LRMDA: variants seen among roughly 807,000 people sequenced by gnomAD.
The protein encoded by LRMDA is leucine rich melanocyte differentiation associated.
In LRMDA, 18 loss-of-function variants were observed where a neutral mutation model predicts 29.8. The observed-to-expected ratio is 0.60, with a 90% confidence interval of 0.42 to 0.90. The LOEUF is 0.90. Among genes scored for constraint, LRMDA ranks in the 40% least tolerant of loss-of-function variants. LRMDA has a pLI of 0.00. For missense variants in LRMDA, 273 were observed against 273.9 expected (o/e 1.00, Z 0.02); for synonymous variants, 125 against 109.4 (o/e 1.14, Z -0.89).
rs527515076 is a variant in LRMDA, at chr10:76,245,100, T to C, written c.517-79301T>C. Among the ~76,000 whole-genome samples, 3 of 152,284 alleles carry C rather than the reference T, an allele frequency of 2.0e-5. No homozygotes were observed. In the East Asian group the frequency reaches 5.8e-4, roughly 29 times the overall value. ...GGTCAGTGTCCACCCATGTAGCACA[T>C]GTATTTTGTTTGGCATGCTTGCTGG... On this transcript the variant is annotated intron_variant, in intron 5 of 6. Coordinates refer to ENST00000611255, the MANE Select transcript of LRMDA (RefSeq NM_001305581.2).
chr10:76,391,690 T>C (rs1841725005), intron 6 of LRMDA, among the ~76,000 whole-genome samples: 1 of 152,164 alleles, frequency 6.6e-6, no homozygotes, highest in Admixed American at 6.5e-5. Context: ...ACCAGAAAGC[T>C]ATTCATGCAG....
At chr10:75,892,797 G>C (rs1237334310) in intron 2 of LRMDA, among the ~76,000 whole-genome samples, 1 of 152,106 alleles carries the variant, frequency 6.6e-6, no homozygotes, top group Non-Finnish European at 1.5e-5. Context: ...AGGAATCACA[G>C]ATAACTTTTT....
intron 2 of LRMDA, among the ~76,000 whole-genome samples, chr10:75,666,327 C>T (rs1276246766): frequency 6.6e-6 from 1 of 151,494 alleles, no homozygotes. Context: ...TGTCAAGTCA[C>T]TAACTGTGAA....
chr10:76,225,495 G>A (rs977631903), intron 5 of LRMDA, among the ~76,000 whole-genome samples: 4 of 152,018 alleles, frequency 2.6e-5, no homozygotes, highest in Admixed American at 1.3e-4. Context: ...TGATGGGGAT[G>A]GATGCTTCAT....
At chr10:76,034,351 G>A (rs1276174934) in intron 2 of LRMDA, among the ~76,000 whole-genome samples, 1 of 152,132 alleles carries the variant, frequency 6.6e-6, no homozygotes, top group Non-Finnish European at 1.5e-5. Context: ...TTGCCTCTCG[G>A]AACCAAGAGG....
chr10:75,622,040 G>C (rs1841194975), intron 2 of LRMDA, among the ~76,000 whole-genome samples: 1 of 152,142 alleles, frequency 6.6e-6, no homozygotes, highest in Admixed American at 6.5e-5. Flanking sequence ...AAATCAAATA[G>C]TGACTTGATA....
chr10:76,303,058 G>C (rs902921289), intron 5 of LRMDA, among the ~76,000 whole-genome samples: 11 of 152,160 alleles, frequency 7.2e-5, no homozygotes, highest in African/African-American at 2.7e-4. Flanking sequence ...GTAGGCCGAT[G>C]CTTAGCAACA....
At position 75,568,243 on chromosome 10, in the gene LRMDA, G is replaced by A. The variant is rs74147126; in HGVS notation, c.131+129749G>A. Among the ~76,000 whole-genome samples, 207 of 152,288 alleles carry A rather than the reference G, an allele frequency of 1.4e-3. 1 individual carries two copies. Among genetic ancestry groups the A allele is most frequent in the African/African-American group, 4.6e-3 (192 of 41,542 alleles). ...ATTATAGTTTCTCTGAAGACATTTA[G>A]CACAATGTTTTGCTCATAGTGTGTG... On this transcript the variant is annotated intron_variant, in intron 2 of 6. Coordinates refer to ENST00000611255, the MANE Select transcript of LRMDA (RefSeq NM_001305581.2).
chr10:76,240,949 A>G (rs1037897957), intron 5 of LRMDA, among the ~76,000 whole-genome samples: 10 of 151,972 alleles, frequency 6.6e-5, no homozygotes, highest in African/African-American at 2.4e-4. Context: ...GAATGAAATA[A>G]TGGCATTTGC....
At chr10:75,540,107 A>G (rs1839998681) in intron 2 of LRMDA, among the ~76,000 whole-genome samples, 1 of 152,198 alleles carries the variant, frequency 6.6e-6, no homozygotes, top group Non-Finnish European at 1.5e-5. Context: ...TAGCAACATT[A>G]TACCATATTG....
intron 6 of LRMDA, among the ~76,000 whole-genome samples, chr10:76,468,112 A>G (rs958332287): frequency 4.0e-5 from 6 of 149,112 alleles, no homozygotes; most frequent in African/African-American, 1.5e-4. Context: ...GTGTAGCAGC[A>G]GGATTAAATC....
chr10:76,213,400 A>C (rs373555877), intron 5 of LRMDA, among the ~76,000 whole-genome samples: 1 of 152,234 alleles, frequency 6.6e-6, no homozygotes, highest in East Asian at 1.9e-4. Context: ...AAGGGAAAGT[A>C]ATTATCTCTG....
In LRMDA at chr10:75,812,108, A is replaced by ATTTTTTTTTTTTTT. The variant is rs67846089; in HGVS notation, c.132-223883_132-223870dup. ...TAGTTTCTAAGGGGCTTTAATTGTG[A>ATTTTTTTTTTTTTT]TTTTTTTTTTTTTTTTTTTTTTTTT... On this transcript the variant is annotated intron_variant, in intron 2 of 6. Transcript: ENST00000611255. Among the ~76,000 whole-genome samples, 3 of 46,258 alleles carry ATTTTTTTTTTTTTT rather than the reference A, an allele frequency of 6.5e-5. 1 individual carries two copies. The highest frequency in any genetic ancestry group is 3.6e-4 in the African/African-American group (3 of 8,366). The allele number at this position is 46,258 out of a possible 152,430, so 30.3% of individuals were successfully genotyped here.
intron 2 of LRMDA, among the ~76,000 whole-genome samples, chr10:75,504,186 G>A (rs1845146349): frequency 6.6e-6 from 1 of 152,024 alleles, no homozygotes; most frequent in Non-Finnish European, 1.5e-5. Flanking sequence ...TAGAGATGGA[G>A]TTTCACCATG....
intron 2 of LRMDA, among the ~76,000 whole-genome samples, chr10:75,537,001 G>A (rs1015239712): frequency 6.6e-6 from 1 of 152,138 alleles, no homozygotes; most frequent in East Asian, 1.9e-4. Context: ...CTGGTGGTTG[G>A]TAATTAGACC....
chr10:76,412,698 A>G (rs931982338), intron 6 of LRMDA, among the ~76,000 whole-genome samples: 2 of 152,162 alleles, frequency 1.3e-5, no homozygotes, highest in African/African-American at 4.8e-5. Flanking sequence ...TTGAACCTAT[A>G]CAATATTCAG....
intron 2 of LRMDA, among the ~76,000 whole-genome samples, chr10:75,754,518 C>CT (rs1237828550): frequency 6.6e-6 from 1 of 152,250 alleles, no homozygotes; most frequent in Middle Eastern, 3.4e-3. Flanking sequence ...TGAATACATT[C>CT]TTTTTTTCGC....
chr10:75,936,731 A>T (rs533240490), intron 2 of LRMDA, among the ~76,000 whole-genome samples: 1 of 152,086 alleles, frequency 6.6e-6, no homozygotes, highest in Non-Finnish European at 1.5e-5. Flanking sequence ...GGCAAACAAA[A>T]TCTCTCTGAG....
intron 2 of LRMDA, among the ~76,000 whole-genome samples, chr10:75,924,752 G>A (rs574712159): frequency 1.2e-3 from 178 of 152,204 alleles, no homozygotes; most frequent in Admixed American, 2.3e-3. Flanking sequence ...GGGTGGGGGC[G>A]CAGAGAGCAG....
Sources: gnomAD v4.1 joint callset for allele counts (sites outside exome capture counted in the v4.1 genomes callset) on GRCh38, gnomAD v4.1.1 for gene constraint, MANE v1.5 for transcripts, NCBI Gene and HGNC (gene_info 2026-07-23, HGNC 2026-07-21) for gene names.